PPHLN1: variants seen among roughly 807,000 people sequenced by gnomAD.
The protein encoded by PPHLN1 is periphilin 1.
In PPHLN1, 29 loss-of-function variants were observed where a neutral mutation model predicts 51.3. That is an observed-to-expected ratio of 0.57 (90% CI 0.42 to 0.77). PPHLN1 has a LOEUF of 0.77. PPHLN1 is among the 30% of genes least tolerant of loss of function. The pLI, the probability that PPHLN1 is intolerant of heterozygous loss-of-function variation, is 0.00. For synonymous variants in PPHLN1, 147 were observed against 147.8 expected, an observed-to-expected ratio of 0.99 and a Z score of 0.04; for missense variants, 436 against 438.4, an observed-to-expected ratio of 0.99 and a Z score of 0.05.
chr12:42,378,702 C>T (rs2076515261), intron 5 of PPHLN1, among the ~76,000 whole-genome samples: 1 of 152,046 alleles, frequency 6.6e-6, no homozygotes, highest in East Asian at 1.9e-4. Flanking sequence ...TTAAATTCAA[C>T]TGCTTATTTC....
At chr12:42,326,718 C>A (rs1472709309) in intron 1 of PPHLN1, among the ~76,000 whole-genome samples, 2 of 152,098 alleles carry the variant, frequency 1.3e-5, no homozygotes, top group African/African-American at 4.8e-5. Context: ...CTTCTTGGCA[C>A]CTTTTCTCTT....
downstream of PPHLN1, chr12:42,442,907 C>A (rs1406107681): frequency 9.0e-7 from 1 of 1,105,218 alleles, no homozygotes; most frequent in Non-Finnish European, 1.2e-6. Flanking sequence ...AATTAAGGGA[C>A]CCAGTGCAAA....
Position 42,358,063 on chromosome 12 carries a change from C to CT in PPHLN1, c.299+2848dup, listed in dbSNP as rs1356857847. On this transcript the variant is annotated intron_variant, in intron 4 of 9. Coordinates refer to ENST00000358314, the MANE Select transcript of PPHLN1 (RefSeq NM_201439.2). ...TTGCTGCAGAAGACATGATTTCATT[C>CT]TTTTTTTATGGCTGAATCGTATGCC... Among the ~76,000 whole-genome samples the CT allele has an allele frequency of 2.0e-5, 3 of 152,216 alleles. No individual in the cohort carries two copies. The East Asian group carries it at 5.8e-4, about 29-fold the overall frequency.
chr12:42,352,079 T>C (rs2138217360), intron 3 of PPHLN1, 30 bp downstream of exon 3: 1 of 1,389,890 alleles, frequency 7.2e-7, no homozygotes, highest in Non-Finnish European at 9.4e-7. Flanking sequence ...GTACTAATTG[T>C]TATTTCTTAT....
chr12:42,363,166 C>G (rs760789299), intron 4 of PPHLN1, among the ~76,000 whole-genome samples: 1 of 152,106 alleles, frequency 6.6e-6, no homozygotes. Flanking sequence ...GAAACAGTAA[C>G]AGTCTTAATT....
rs2083002436 is a variant in PPHLN1 at position 42,441,947 on chromosome 12, T to C, written c.*438T>C. 3 of 963,884 alleles carry C rather than the reference T, an allele frequency of 3.1e-6. No individual in the cohort carries two copies. Among genetic ancestry groups the C allele is most frequent in the Non-Finnish European group, 3.7e-6 (3 of 810,086 alleles). 59.7% of individuals were successfully genotyped at this position (963,884 alleles called of 1,614,324 possible). On this transcript the variant is annotated 3_prime_UTR_variant, in exon 10 of 10. Coordinates refer to ENST00000358314, the MANE Select transcript of PPHLN1 (RefSeq NM_201439.2). ...TACTATCCTAATAAACTGAATACTT[T>C]GGTATCTTAGAGAATATTTGCTTTG...
At chr12:42,346,491 C>T (rs1207734987) in intron 2 of PPHLN1, among the ~76,000 whole-genome samples, 1 of 152,082 alleles carries the variant, frequency 6.6e-6, no homozygotes, top group African/African-American at 2.4e-5. Context: ...TTTGTTCATC[C>T]ATAGGAACTT....
At chr12:42,404,528 TCAACAA>T (rs143140913) in intron 9 of PPHLN1, among the ~76,000 whole-genome samples, 6 of 150,892 alleles carry the variant, frequency 4.0e-5, no homozygotes, top group East Asian at 2.0e-4. Flanking sequence ...AAACTCCGTC[TCAACAA>T]CAACAACAAC....
At chr12:42,445,935 A>G, downstream of PPHLN1, 2 of 1,455,442 alleles carry the variant, frequency 1.4e-6, no homozygotes, top group South Asian at 1.5e-5. Flanking sequence ...TTTTGCTAAC[A>G]TGGGGAAGAG....
intron 3 of PPHLN1, among the ~76,000 whole-genome samples, chr12:42,352,658 TTGA>T (rs2073520291): frequency 6.6e-6 from 1 of 151,350 alleles, no homozygotes; most frequent in Non-Finnish European, 1.5e-5. Flanking sequence ...GGGAGGTCAC[TTGA>T]TGATCAAGTG....
chr12:42,390,818 GTTTT>G (rs34282980), intron 7 of PPHLN1, among the ~76,000 whole-genome samples: 1 of 118,586 alleles, frequency 8.4e-6, no homozygotes, highest in African/African-American at 3.2e-5. Flanking sequence ...AGACCGTGAA[GTTTT>G]TTTTTTTTTT....
chr12:42,392,586 A>G (rs2077823525), intron 7 of PPHLN1, among the ~76,000 whole-genome samples: 1 of 152,224 alleles, frequency 6.6e-6, no homozygotes, highest in Admixed American at 6.5e-5. Flanking sequence ...GTAGAATGGA[A>G]TCAGAGAATT....
intron 4 of PPHLN1, among the ~76,000 whole-genome samples, chr12:42,363,314 AAATT>A (rs1365209423): frequency 4.9e-5 from 7 of 143,920 alleles, no homozygotes; most frequent in African/African-American, 1.7e-4. Flanking sequence ...ACCTTTTTTA[AAATT>A]AATTAATTAA....
At chr12:42,430,238 TTCTC>T (rs1322983690) in intron 9 of PPHLN1, among the ~76,000 whole-genome samples, 4 of 151,886 alleles carry the variant, frequency 2.6e-5, no homozygotes, top group Admixed American at 6.6e-5. Flanking sequence ...TTAGCTGCTC[TTCTC>T]TCTCTGTCTC....
At chr12:42,404,666 T>C (rs1259107718) in intron 9 of PPHLN1, among the ~76,000 whole-genome samples, 1 of 152,122 alleles carries the variant, frequency 6.6e-6, no homozygotes. Context: ...TGTTTTGTTG[T>C]TGTTTATTTC....
intron 9 of PPHLN1, among the ~76,000 whole-genome samples, chr12:42,411,903 C>CAAAAAAA (rs1212289027): frequency 5.9e-5 from 2 of 33,976 alleles, no homozygotes; most frequent in African/African-American, 1.2e-4. Context: ...GACTCAGTCT[C>CAAAAAAA]AAAAAAAAAA....
At chr12:42,401,071 T>A (rs2078802068) in intron 9 of PPHLN1, among the ~76,000 whole-genome samples, 3 of 152,144 alleles carry the variant, frequency 2.0e-5, no homozygotes, top group Non-Finnish European at 4.4e-5. Context: ...ACATGCCAGG[T>A]TTGAGAGTAA....
intron 4 of PPHLN1, among the ~76,000 whole-genome samples, chr12:42,360,697 G>A (rs553086433): frequency 7.9e-5 from 12 of 152,014 alleles, no homozygotes; most frequent in African/African-American, 1.2e-4. Flanking sequence ...GTTTCATTAT[G>A]TTGGCCAGGC....
At chr12:42,406,671 C>T (rs2079343084) in intron 9 of PPHLN1, among the ~76,000 whole-genome samples, 1 of 151,882 alleles carries the variant, frequency 6.6e-6, no homozygotes, top group Admixed American at 6.6e-5. Context: ...ATTCTGAATA[C>T]AAGGTGGTTA....
Sources: gnomAD v4.1 joint callset for allele counts (sites outside exome capture counted in the v4.1 genomes callset) on GRCh38, gnomAD v4.1.1 for gene constraint, MANE v1.5 for transcripts, NCBI Gene and HGNC (gene_info 2026-07-23, HGNC 2026-07-21) for gene names.